Variants in RSRC1 observed in about 807,000 individuals in gnomAD.
The protein encoded by RSRC1 is serine/Arginine-related protein 53.
In RSRC1, 39 loss-of-function variants were observed where a neutral mutation model predicts 49.1. The ratio of observed to expected loss-of-function variants is 0.79; its 90% CI spans 0.61 to 1.04. The LOEUF (loss-of-function observed/expected upper bound fraction) is 1.04. Among genes scored for constraint, RSRC1 ranks in the 50% least tolerant of loss-of-function variants. The pLI is 0.00. For missense variants in RSRC1, 388 were observed against 402.4 expected (o/e 0.96, Z 0.31); for synonymous variants, 143 against 130.8 (o/e 1.09, Z -0.63).
intron 6 of RSRC1, among the ~76,000 whole-genome samples, chr3:158,446,261 T>G (rs1207443305): frequency 6.9e-6 from 1 of 143,898 alleles, no homozygotes; most frequent in Non-Finnish European, 1.5e-5. Context: ...GATTCTGCTT[T>G]TATTTTCTGA....
intron 3 of RSRC1, among the ~76,000 whole-genome samples, chr3:158,177,107 A>G (rs1719269213): frequency 3.9e-5 from 6 of 152,220 alleles, no homozygotes; most frequent in Admixed American, 3.9e-4. Context: ...ATCTCACACC[A>G]GTTAGAATGT....
At chr3:158,160,649 G>T (rs1421382964) in intron 3 of RSRC1, among the ~76,000 whole-genome samples, 1 of 152,068 alleles carries the variant, frequency 6.6e-6, no homozygotes, top group East Asian at 1.9e-4. Flanking sequence ...ACTTTAATGG[G>T]TGTTTACTTT....
chr3:158,481,204 T>C (rs1431087777), intron 7 of RSRC1, among the ~76,000 whole-genome samples: 1 of 152,074 alleles, frequency 6.6e-6, no homozygotes, highest in Non-Finnish European at 1.5e-5. Context: ...TTATTCAACT[T>C]ACACCTAAGT....
intron 7 of RSRC1, among the ~76,000 whole-genome samples, chr3:158,475,396 T>C (rs1035586339): frequency 3.3e-5 from 5 of 152,324 alleles, no homozygotes; most frequent in African/African-American, 9.6e-5. Flanking sequence ...ACATACCTTG[T>C]TTTATTGCAC....
chr3:158,153,830 T>C (rs1717693117), intron 3 of RSRC1, among the ~76,000 whole-genome samples: 1 of 95,966 alleles, frequency 1.0e-5, no homozygotes, highest in Non-Finnish European at 2.1e-5. Flanking sequence ...GTTATTGGTA[T>C]ATAAAACTTC....
intron 5 of RSRC1, among the ~76,000 whole-genome samples, chr3:158,352,761 T>G (rs1408296696): frequency 6.6e-6 from 1 of 152,180 alleles, no homozygotes; most frequent in Non-Finnish European, 1.5e-5. Flanking sequence ...CACAATCAGT[T>G]GGTGCTGGGT....
intron 7 of RSRC1, 118 bp from the exon 8 acceptor site, chr3:158,536,974 C>A (rs1712746427): frequency 3.0e-6 from 2 of 657,440 alleles, no homozygotes; most frequent in Admixed American, 5.8e-5. Flanking sequence ...CTTGTTATAG[C>A]TTAATTTATA....
intron 3 of RSRC1, among the ~76,000 whole-genome samples, chr3:158,157,793 TA>T (rs1717969923): frequency 1.3e-5 from 2 of 152,144 alleles, no homozygotes; most frequent in South Asian, 4.2e-4. Context: ...CACATGCCTG[TA>T]ATCCCAGCTA....
At chr3:158,373,797 T>C (rs1732210344) in intron 6 of RSRC1, among the ~76,000 whole-genome samples, 1 of 151,990 alleles carries the variant, frequency 6.6e-6, no homozygotes, top group African/African-American at 2.4e-5. Context: ...TTTTTTGTCA[T>C]TGGTTGAATA....
Position 158,229,824 on chromosome 3 carries a change from A to G in RSRC1, c.494+26579A>G, listed in dbSNP as rs557552581. The stretch of plus-strand genomic sequence containing the variant: ...TATTTGTCTGAACCAGTGAAGAGTA[A>G]GTTGCAGGCACCAGTCTCTTTAGCC... On this transcript the variant is annotated intron_variant, in intron 4 of 9. Coordinates refer to ENST00000611884, the MANE Select transcript of RSRC1 (RefSeq NM_001271838.2). Among the ~76,000 whole-genome samples, 12 of 152,166 alleles carry G rather than the reference A, an allele frequency of 7.9e-5. No homozygotes were observed. The South Asian group carries it at 2.5e-3, about 32-fold the overall frequency.
chr3:158,162,752 T>C (rs1718309343), intron 3 of RSRC1, among the ~76,000 whole-genome samples: 1 of 152,168 alleles, frequency 6.6e-6, no homozygotes, highest in African/African-American at 2.4e-5. Flanking sequence ...GTCAGGTAAT[T>C]ATAGAAAGCT....
intron 5 of RSRC1, among the ~76,000 whole-genome samples, chr3:158,320,239 G>A (rs1728686256): frequency 6.6e-6 from 1 of 152,114 alleles, no homozygotes; most frequent in Admixed American, 6.5e-5. Context: ...AGGAGAAAAA[G>A]GATATCAGGG....
chr3:158,343,089 A>C (rs943868548), intron 5 of RSRC1, among the ~76,000 whole-genome samples: 3 of 152,216 alleles, frequency 2.0e-5, no homozygotes, highest in Admixed American at 1.3e-4. Flanking sequence ...TAATCAGTAC[A>C]TGCATAAGAG....
intron 5 of RSRC1, among the ~76,000 whole-genome samples, chr3:158,313,415 A>G (rs1728237901): frequency 6.6e-6 from 1 of 152,164 alleles, no homozygotes; most frequent in Non-Finnish European, 1.5e-5. Flanking sequence ...TTATGTTTTA[A>G]TATGTGTCTC....
At chr3:158,394,265 A>T (rs1338059374) in intron 6 of RSRC1, among the ~76,000 whole-genome samples, 1 of 152,084 alleles carries the variant, frequency 6.6e-6, no homozygotes, top group African/African-American at 2.4e-5. Flanking sequence ...GCCCTCTCTC[A>T]CTACTCCTTT....
At chr3:158,158,807 C>T (rs1718035057) in intron 3 of RSRC1, among the ~76,000 whole-genome samples, 1 of 151,968 alleles carries the variant, frequency 6.6e-6, no homozygotes, top group Admixed American at 6.6e-5. Context: ...GGCCTGGTGG[C>T]CTGTGCCTGT....
chr3:158,320,852 C>G (rs2108165634), intron 5 of RSRC1, among the ~76,000 whole-genome samples: 1 of 152,174 alleles, frequency 6.6e-6, no homozygotes, highest in Admixed American at 6.5e-5. Flanking sequence ...GAGTTATGAA[C>G]TAACTTAAAT....
chr3:158,162,551 T>G (rs908994778), intron 3 of RSRC1, among the ~76,000 whole-genome samples: 5 of 152,202 alleles, frequency 3.3e-5, no homozygotes, highest in African/African-American at 1.2e-4. Context: ...GTAAATTCAT[T>G]AACTTGGTTT....
At chr3:158,250,252 A>G (rs1460143997) in intron 4 of RSRC1, among the ~76,000 whole-genome samples, 2 of 152,196 alleles carry the variant, frequency 1.3e-5, no homozygotes, top group African/African-American at 2.4e-5. Flanking sequence ...AATCTTGGCT[A>G]TTGTGAATAG....
Sources: gnomAD v4.1 joint callset for allele counts (sites outside exome capture counted in the v4.1 genomes callset) on GRCh38, gnomAD v4.1.1 for gene constraint, MANE v1.5 for transcripts, NCBI Gene and HGNC (gene_info 2026-07-23, HGNC 2026-07-21) for gene names.